Variants in SPEF2 observed in about 807,000 individuals in gnomAD.
The protein encoded by SPEF2 is sperm flagellar and cilia associated 2, also known as sperm flagella and cilia-associated protein 2.
A neutral mutation model predicts 224.6 loss-of-function variants in SPEF2; 187 were observed. That is an observed-to-expected ratio of 0.83 (90% CI 0.74 to 0.94). SPEF2 has a LOEUF of 0.94. Ranked by LOEUF, SPEF2 falls within the 40% of genes least tolerant of loss-of-function variation. The probability of loss-of-function intolerance (pLI) is 0.00; values close to 1 mark genes in which losing one functional copy is unlikely to be tolerated. For missense variants in SPEF2, 2,170 were observed against 2,135.6 expected (o/e 1.02, Z -0.32); for synonymous variants, 715 against 707.3 (o/e 1.01, Z -0.17).
chr5:35,679,525 T>C (rs561716110), intron 10 of SPEF2, among the ~76,000 whole-genome samples: 1 of 152,280 alleles, frequency 6.6e-6, no homozygotes, highest in Admixed American at 6.5e-5. Context: ...CAAACAGAGC[T>C]AGAACATCTG....
At chr5:35,760,581 C>G (rs1445896430) in intron 25 of SPEF2, among the ~76,000 whole-genome samples, 1 of 152,084 alleles carries the variant, frequency 6.6e-6, no homozygotes, top group Non-Finnish European at 1.5e-5. Flanking sequence ...CATCAGATTT[C>G]TGCCAGCAAA....
intron 13 of SPEF2, among the ~76,000 whole-genome samples, chr5:35,694,960 A>G (rs1305127925): frequency 6.6e-6 from 1 of 152,162 alleles, no homozygotes; most frequent in East Asian, 1.9e-4. Context: ...TTTTTCCTGT[A>G]TGTGCTAGTG....
intron 20 of SPEF2, among the ~76,000 whole-genome samples, chr5:35,724,179 C>A (rs1744235888): frequency 6.6e-6 from 1 of 152,034 alleles, no homozygotes; most frequent in Non-Finnish European, 1.5e-5. Flanking sequence ...GAACTGTTAA[C>A]CTATGAGAAG....
At chr5:35,811,836 A>C (rs1758554889) in intron 36 of SPEF2, among the ~76,000 whole-genome samples, 1 of 134,380 alleles carries the variant, frequency 7.4e-6, no homozygotes, top group African/African-American at 3.0e-5. Context: ...GGATTGCTGG[A>C]TTCAGTGGTG....
At chr5:35,673,982 T>C (rs2149487481) in intron 10 of SPEF2, among the ~76,000 whole-genome samples, 1 of 152,328 alleles carries the variant, frequency 6.6e-6, no homozygotes, top group Middle Eastern at 3.4e-3. Flanking sequence ...TTCTCTGTTT[T>C]CCTGTCTCAT....
At chr5:35,798,888 C>T (rs936684002) in intron 33 of SPEF2, among the ~76,000 whole-genome samples, 7 of 152,186 alleles carry the variant, frequency 4.6e-5, no homozygotes, top group Non-Finnish European at 8.8e-5. Context: ...TGAGCCACCA[C>T]GCCTGGCCTC....
At chr5:35,647,029 A>C (rs1015588413) in intron 5 of SPEF2, among the ~76,000 whole-genome samples, 3 of 152,186 alleles carry the variant, frequency 2.0e-5, no homozygotes, top group African/African-American at 7.2e-5. Flanking sequence ...CAGCAATGGC[A>C]AACTCCTATT....
chr5:35,805,614 A>AACAT (rs760129959), intron 34 of SPEF2, among the ~76,000 whole-genome samples: 1 of 152,200 alleles, frequency 6.6e-6, no homozygotes, highest in Non-Finnish European at 1.5e-5. Flanking sequence ...CAAATATTGA[A>AACAT]ACATACATAC....
chr5:35,661,895 A>G (rs1399512045), intron 8 of SPEF2, among the ~76,000 whole-genome samples: 1 of 152,126 alleles, frequency 6.6e-6, no homozygotes, highest in Non-Finnish European at 1.5e-5. Context: ...GTAGGCATTC[A>G]TGGGTCTTTA....
chr5:35,752,948 T>C (rs1749891709), intron 23 of SPEF2, among the ~76,000 whole-genome samples: 2 of 149,670 alleles, frequency 1.3e-5, no homozygotes, highest in South Asian at 4.2e-4. Flanking sequence ...ATATATATAA[T>C]GTATTATATA....
intron 21 of SPEF2, among the ~76,000 whole-genome samples, chr5:35,730,775 A>T (rs183104551): frequency 1.3e-5 from 2 of 152,366 alleles, no homozygotes; most frequent in African/African-American, 4.8e-5. Flanking sequence ...TGCCCTAGTT[A>T]TCAGGAAAGC....
chr5:35,768,590 G>A (rs964953383), intron 26 of SPEF2, among the ~76,000 whole-genome samples: 6 of 152,046 alleles, frequency 3.9e-5, no homozygotes, highest in East Asian at 1.9e-4. Flanking sequence ...TGTATGTAAA[G>A]TGTTTTAGAA....
At chr5:35,767,504 T>A (rs1752245339) in intron 26 of SPEF2, among the ~76,000 whole-genome samples, 1 of 151,996 alleles carries the variant, frequency 6.6e-6, no homozygotes, top group Non-Finnish European at 1.5e-5. Context: ...TGGTCAATAA[T>A]TCATGGTGTT....
In SPEF2 at chr5:35,641,549, A is replaced by T. The variant is rs752007755; in HGVS notation, c.280A>T (p.Thr94Ser). Reference protein sequence around the residue: ...GIITEKPGVATKLLYQLYIAL... With the variant: ...GIITEKPGVASKLLYQLYIAL... The stretch of plus-strand genomic sequence containing the variant: ...CATCACAGAAAAGCCTGGGGTGGCA[A>T]CAAAGCTGTTATATCAATTGTACAT... Residue 94 changes from threonine (T) to serine (S), a missense_variant, in exon 3 of 37, where the codon ACA (threonine) becomes TCA (serine). By Grantham distance (58) the Thr-to-Ser change is moderately conservative (BLOSUM62 1). Transcript: ENST00000356031. 6.8e-6 allele frequency: 11 copies of T among 1,613,732 alleles called. No homozygotes were observed. Among genetic ancestry groups the T allele is most frequent in the Admixed American group, 1.7e-5 (1 of 59,948 alleles).
chr5:35,626,154 T>A (rs1018682001), intron 1 of SPEF2, among the ~76,000 whole-genome samples: 17 of 152,160 alleles, frequency 1.1e-4, no homozygotes, highest in African/African-American at 3.9e-4. Context: ...GAATTTCAAA[T>A]TCTCCTGCTG....
intron 17 of SPEF2, 132 bp downstream of exon 17, chr5:35,704,794 A>G: frequency 1.6e-6 from 1 of 626,954 alleles, no homozygotes; most frequent in South Asian, 1.9e-5. Context: ...AAAGAAGACT[A>G]AGTAGTTTTG....
At position 35,667,056 on chromosome 5, in the gene SPEF2, G is replaced by A; in HGVS notation, c.1168-16G>A. ...TTCAATTATAGTGACTTAAAAATAT[G>A]TTTTTGCCTTTTTAGGCTTTGGCAA... On this transcript the variant is annotated splice_polypyrimidine_tract_variant and intron_variant, in intron 8 of 36. Transcript: ENST00000356031. The A allele has an allele frequency of 6.3e-7, 1 of 1,584,046 alleles. No homozygotes were observed. Among genetic ancestry groups the A allele is most frequent in the Non-Finnish European group, 8.5e-7 (1 of 1,170,558 alleles).
intron 1 of SPEF2, 123 bp downstream of exon 1, chr5:35,618,178 C>A: frequency 9.6e-7 from 1 of 1,046,124 alleles, no homozygotes; most frequent in Admixed American, 2.1e-5. Flanking sequence ...GGGGCACCTG[C>A]GTAGCCGGCA....
intron 30 of SPEF2, among the ~76,000 whole-genome samples, chr5:35,791,276 T>C (rs1463707950): frequency 2.0e-5 from 3 of 152,188 alleles, no homozygotes; most frequent in Non-Finnish European, 4.4e-5. Context: ...TGGCCAATTA[T>C]ATCAAAGAAG....
Sources: allele counts gnomAD v4.1 joint callset (sites outside exome capture counted in the v4.1 genomes callset), GRCh38; gene constraint gnomAD v4.1.1; transcripts MANE v1.5; gene names NCBI Gene and HGNC (gene_info 2026-07-23, HGNC 2026-07-21).